Variants in SMYD3 observed in about 807,000 individuals in gnomAD.
The protein encoded by SMYD3 is histone-lysine N-methyltransferase SMYD3.
In SMYD3, 36 loss-of-function variants were observed where a neutral mutation model predicts 57.7. The observed-to-expected ratio is 0.62, with a 90% CI of 0.48 to 0.82. The LOEUF is 0.82. SMYD3 is among the 40% of genes least tolerant of loss of function. The probability of loss-of-function intolerance (pLI) is 0.00; values close to 1 mark genes in which losing one functional copy is unlikely to be tolerated. For synonymous variants in SMYD3, 211 were observed against 195.0 expected (o/e 1.08, Z -0.68); for missense variants, 515 against 538.8 (o/e 0.96, Z 0.44).
chr1:245,852,298 C>T (rs2051018071), intron 10 of SMYD3, among the ~76,000 whole-genome samples: 1 of 124,638 alleles, frequency 8.0e-6, no homozygotes, highest in South Asian at 2.7e-4. Context: ...AGTAAGACTA[C>T]AAGGCTGGGT....
Position 246,123,079 on chromosome 1 carries a change from T to C in SMYD3, c.532-193142A>G, listed in dbSNP as rs562167975. Reference sequence around the variant, plus strand: ...GTCCTTTACAATGTACTATCCTCTTTTACCCTGTTCTCTCACTGAAAATTG... The same window carrying C: ...GTCCTTTACAATGTACTATCCTCTTCTACCCTGTTCTCTCACTGAAAATTG... On this transcript the variant is annotated intron_variant, in intron 5 of 11. Transcript: ENST00000490107. Among the ~76,000 whole-genome samples, 5 of 152,324 alleles carry C rather than the reference T, an allele frequency of 3.3e-5. No homozygotes were observed. The South Asian group carries it at 8.3e-4, about 25-fold the overall frequency.
At chr1:246,358,102 A>C (rs908587507) in intron 1 of SMYD3, among the ~76,000 whole-genome samples, 1 of 152,218 alleles carries the variant, frequency 6.6e-6, no homozygotes, top group Non-Finnish European at 1.5e-5. Flanking sequence ...ACATAAACTT[A>C]AGGTAAAGGG....
chr1:246,052,896 A>G (rs1393350712), intron 5 of SMYD3: 1 of 152,188 alleles, frequency 6.6e-6, no homozygotes, highest in Non-Finnish European at 1.5e-5. Context: ...ATTAAATCAC[A>G]ATCAAAACAG....
chr1:246,401,884 G>A (rs565482650), intron 1 of SMYD3, among the ~76,000 whole-genome samples: 58 of 151,672 alleles, frequency 3.8e-4, no homozygotes, highest in Admixed American at 5.9e-4. Flanking sequence ...CACCACGCCC[G>A]GCTAATTTTG....
At position 246,210,864 on chromosome 1, in the gene SMYD3, A is replaced by T. The variant is rs2063074512; in HGVS notation, c.531+116337T>A. 2.0e-5 allele frequency among the ~76,000 whole-genome samples: 3 copies of T among 152,208 alleles called. No homozygotes were observed. The South Asian group carries it at 6.2e-4, about 32-fold the overall frequency. On this transcript the variant is annotated intron_variant, in intron 5 of 11. Transcript: ENST00000490107. ...TGATCAGAGAAAGTCGAGAGGAAGG[A>T]GGAAATGCAGGGCTTCAATTCTGAT...
At chr1:246,033,657 C>T (rs143835571) in intron 5 of SMYD3, among the ~76,000 whole-genome samples, 2,690 of 152,136 alleles carry the variant, frequency 0.018, 39 homozygotes, top group African/African-American at 0.041. Flanking sequence ...CGTGGTGGCG[C>T]GTGCCTGTAA....
rs1234889622 is a variant in SMYD3 at position 245,962,648 on chromosome 1, A to C, written c.532-32711T>G. On this transcript the variant is annotated intron_variant, in intron 5 of 11. Coordinates refer to ENST00000490107, the MANE Select transcript of SMYD3 (RefSeq NM_001167740.2). ...ACAAACCTGCATGTGGGTTGCGTCG[A>C]ACAATAAAGAGAAAACAGAGACCAA... Among the ~76,000 whole-genome samples the C allele has an allele frequency of 3.3e-5, 5 of 152,128 alleles. 1 individual carries two copies. The highest frequency in any genetic ancestry group is 7.4e-5 in the Non-Finnish European group (5 of 68,018).
chr1:246,404,558 T>A lies in SMYD3; in HGVS notation c.165-49464A>T, dbSNP rs551946131. Reference sequence around the variant, plus strand: ...GCAGACTCCTGCTTCTGCTAAAAAGTACAGTGAGGAGTTTGCAAGTTAAAG... The same window carrying A: ...GCAGACTCCTGCTTCTGCTAAAAAGAACAGTGAGGAGTTTGCAAGTTAAAG... On this transcript the variant is annotated intron_variant, in intron 1 of 11. Transcript: ENST00000490107. Among the ~76,000 whole-genome samples, 16 of 152,292 alleles carry A rather than the reference T, an allele frequency of 1.1e-4. No individual in the cohort carries two copies. In the South Asian group the frequency reaches 3.3e-3, roughly 32 times the overall value.
Position 245,749,463 on chromosome 1 carries a change from C to A in SMYD3, c.*100G>T. ...CTACACAAACACGGAACAGAATTTC[C>A]AATAGGAGAGGTTCACACAGCTAAC... On this transcript the variant is annotated 3_prime_UTR_variant, in exon 12 of 12. Coordinates refer to ENST00000490107, the MANE Select transcript of SMYD3 (RefSeq NM_001167740.2). 1 of 871,750 alleles carries A rather than the reference C, an allele frequency of 1.1e-6. No individual in the cohort carries two copies. The highest frequency in any genetic ancestry group is 1.6e-5 in the South Asian group (1 of 60,924). The allele number at this position is 871,750 out of a possible 1,614,324, so 54.0% of individuals were successfully genotyped here. A position where few individuals can be genotyped will look rare whatever the true frequency, so the allele number is the denominator to read the frequency against.
chr1:246,444,046 G>C (rs1330618361), intron 1 of SMYD3, among the ~76,000 whole-genome samples: 1 of 151,900 alleles, frequency 6.6e-6, no homozygotes, highest in African/African-American at 2.4e-5. Context: ...CCATGGGTTT[G>C]TTACCTGGAG....
chr1:245,824,870 CAAAA>C (rs1052440827), intron 10 of SMYD3, among the ~76,000 whole-genome samples: 6 of 92,458 alleles, frequency 6.5e-5, no homozygotes, highest in African/African-American at 2.1e-4. Flanking sequence ...AAAAAAAAAA[CAAAA>C]AAAAAAATTA....
At chr1:246,075,403 T>C (rs1281149487) in intron 5 of SMYD3, among the ~76,000 whole-genome samples, 1 of 152,218 alleles carries the variant, frequency 6.6e-6, no homozygotes, top group African/African-American at 2.4e-5. Context: ...CATTTTCTTA[T>C]GCCACTAAGT....
intron 8 of SMYD3, among the ~76,000 whole-genome samples, chr1:245,900,227 T>C (rs10127645): frequency 0.068 from 10,357 of 152,204 alleles, 1,045 homozygotes; most frequent in African/African-American, 0.22. Context: ...ACACCTCTCT[T>C]TTCTCTTGAC....
intron 1 of SMYD3, among the ~76,000 whole-genome samples, chr1:246,379,113 C>T (rs7525682): frequency 0.021 from 2,995 of 139,862 alleles, 35 homozygotes; most frequent in African/African-American, 0.037. Context: ...CACACACACA[C>T]ATATATTCCA....
intron 10 of SMYD3, among the ~76,000 whole-genome samples, chr1:245,779,269 T>C (rs1262714171): frequency 6.6e-6 from 1 of 151,248 alleles, no homozygotes; most frequent in African/African-American, 2.4e-5. Flanking sequence ...ATCCAAAATA[T>C]ATCAAGAACT....
At chr1:246,122,039 A>T (rs1017625521) in intron 5 of SMYD3, among the ~76,000 whole-genome samples, 1 of 150,590 alleles carries the variant, frequency 6.6e-6, no homozygotes, top group South Asian at 2.1e-4. Flanking sequence ...TATCCCTTGC[A>T]GAATGAACAG....
At chr1:245,965,748 G>A (rs991557702) in intron 5 of SMYD3, among the ~76,000 whole-genome samples, 1 of 152,170 alleles carries the variant, frequency 6.6e-6, no homozygotes, top group Non-Finnish European at 1.5e-5. Context: ...AGATGAACAG[G>A]TGGAACATGA....
intron 5 of SMYD3, among the ~76,000 whole-genome samples, chr1:245,990,822 T>C (rs549785744): frequency 6.6e-6 from 1 of 152,232 alleles, no homozygotes; most frequent in Non-Finnish European, 1.5e-5. Flanking sequence ...AACACGTGTG[T>C]GGTTTTTAAA....
intron 9 of SMYD3, 89 bp from the exon 10 acceptor site, chr1:245,858,759 A>T: frequency 7.2e-7 from 1 of 1,382,994 alleles, no homozygotes; most frequent in South Asian, 1.4e-5. Context: ...AGAGCTCCCA[A>T]GCACAGGAGC....
Sources: allele counts gnomAD v4.1 joint callset (sites outside exome capture counted in the v4.1 genomes callset), GRCh38; gene constraint gnomAD v4.1.1; transcripts MANE v1.5; gene names NCBI Gene and HGNC (gene_info 2026-07-23, HGNC 2026-07-21).